Variants in PARP4 observed in about 807,000 individuals in gnomAD.
PARP4 encodes poly(ADP-ribose) polymerase family member 4, also known as protein mono-ADP-ribosyltransferase PARP4.
PARP4 carries 120 observed loss-of-function variants against 187.7 expected under a neutral mutation model. That is an observed-to-expected ratio of 0.64 (90% CI 0.55 to 0.74). The LOEUF (loss-of-function observed/expected upper bound fraction) is 0.74, where lower values mean the gene tolerates loss of function less well. PARP4 is among the 30% of genes least tolerant of loss of function. The probability of loss-of-function intolerance (pLI) is 0.00; values close to 1 mark genes in which losing one functional copy is unlikely to be tolerated. For synonymous variants in PARP4, 654 were observed against 740.9 expected, an observed-to-expected ratio of 0.88 and a Z score of 1.90; for missense variants, 1,836 against 2,070.5, an observed-to-expected ratio of 0.89 and a Z score of 2.20.
At chr13:24,478,040 C>T in intron 13 of PARP4, 53 bp downstream of exon 13, 1 of 1,381,174 alleles carries the variant, frequency 7.2e-7, no homozygotes, top group South Asian at 1.5e-5. Flanking sequence ...AAAACTAAGG[C>T]CTTTCTTTGA....
intron 17 of PARP4, among the ~76,000 whole-genome samples, chr13:24,462,874 A>AAC (rs199646507): frequency 5.8e-4 from 64 of 109,402 alleles, no homozygotes; most frequent in Non-Finnish European, 1.1e-3. Flanking sequence ...TGAAAGTGAA[A>AAC]ACAGAGCTCC....
intron 15 of PARP4, among the ~76,000 whole-genome samples, chr13:24,471,064 CTGCT>C (rs1872712044): frequency 6.6e-6 from 1 of 152,216 alleles, no homozygotes; most frequent in African/African-American, 2.4e-5. Flanking sequence ...CCTGCAATGA[CTGCT>C]TAGAGTGTGC....
At position 24,434,410 on chromosome 13, in the gene PARP4, G is replaced by T. The variant is rs769466638; in HGVS notation, c.4731C>A (p.Leu1577=). ...WQDAVPWTEL[L]SLQTEDGFWK... ...AGACACATACCTCTGTCTGTAGACT[G>T]AGGAGTTCTGTCCAAGGCACAGCAT... The change falls in exon 31 of 34, where the codon CTC becomes CTA. Residue 1577 remains leucine, a synonymous_variant. Transcript: ENST00000381989. 1.9e-6 allele frequency: 3 copies of T among 1,563,982 alleles called. No homozygotes were observed. The Admixed American group carries it at 5.5e-5, about 29-fold the overall frequency.
At position 24,469,924 on chromosome 13, in the gene PARP4, G is replaced by A. The variant is rs1443373595; in HGVS notation, c.2016C>T (p.Ala672=). The change falls in exon 16 of 34, where the codon GCC becomes GCT. Residue 672 remains alanine, a synonymous_variant. Transcript: ENST00000381989. ...DDKAAVCGFE[A]FINGKHIVGE... The stretch of plus-strand genomic sequence containing the variant: ...CAACTATGTGCTTCCCATTGATGAA[G>A]GCTTCGAAGCCACACACAGCGGCCT... The A allele has an allele frequency of 3.1e-6, 5 of 1,613,626 alleles. No homozygotes were observed. The highest frequency in any genetic ancestry group is 3.4e-6 in the Non-Finnish European group (4 of 1,179,780).
intron 24 of PARP4, 29 bp downstream of exon 24, chr13:24,452,377 G>T (rs764535639): frequency 1.9e-6 from 3 of 1,590,414 alleles, no homozygotes; most frequent in Non-Finnish European, 2.6e-6. Context: ...CGTGGGTCTG[G>T]ACTATGTGAC....
Position 24,452,412 on chromosome 13 carries a change from C to T in PARP4, c.3008G>A (p.Gly1003Asp). 1.2e-6 allele frequency: 2 copies of T among 1,611,758 alleles called. No individual in the cohort carries two copies. The highest frequency in any genetic ancestry group is 8.5e-7 in the Non-Finnish European group (1 of 1,179,116). Residue 1003 changes from glycine to aspartate, a missense_variant, in exon 24 of 34, where the codon GGT becomes GAT. Coordinates refer to ENST00000381989, the MANE Select transcript of PARP4 (RefSeq NM_006437.4). ...SRPHTRLFACGIGSTANRHVL... is the reference protein window; with the variant it reads ...SRPHTRLFACDIGSTANRHVL... Reference sequence around the variant, plus strand: ...CCAGCTCTCTGAGACTCACCCGATACCGCAGGCGAATAACCTGGTGTGCGG... The same window carrying T: ...CCAGCTCTCTGAGACTCACCCGATATCGCAGGCGAATAACCTGGTGTGCGG...
chr13:24,478,289 G>T lies in PARP4; in HGVS notation c.1449-13C>A. On this transcript the variant is annotated splice_polypyrimidine_tract_variant and intron_variant, in intron 12 of 33. Coordinates refer to ENST00000381989, the MANE Select transcript of PARP4 (RefSeq NM_006437.4). ...CTTGATACTTGTACTACATGCGAAA[G>T]GAAATAAACACATATTTACAGCTTA... The T allele has an allele frequency of 1.3e-6, 2 of 1,545,956 alleles. No homozygotes were observed. Among genetic ancestry groups the T allele is most frequent in the Non-Finnish European group, 8.8e-7 (1 of 1,135,864 alleles).
At chr13:24,434,223 T>C (rs112013422) in intron 31 of PARP4, among the ~76,000 whole-genome samples, 172 bp downstream of exon 31, 2,166 of 151,302 alleles carry the variant, frequency 0.014, 53 homozygotes, top group African/African-American at 0.049. Flanking sequence ...CTGTTTTGTT[T>C]TGTAGCAAGA....
chr13:24,449,850 A>G, intron 24 of PARP4, 33 bp from the exon 25 acceptor site: 1 of 1,326,024 alleles, frequency 7.5e-7, no homozygotes, highest in Non-Finnish European at 1.1e-6. Flanking sequence ...AATTTTGAAG[A>G]CATTAGAAAT....
chr13:24,502,341 A>G (rs1012125423), intron 2 of PARP4, among the ~76,000 whole-genome samples: 2 of 152,168 alleles, frequency 1.3e-5, no homozygotes, highest in Non-Finnish European at 2.9e-5. Flanking sequence ...TTATAATTTT[A>G]TTTATTTTTT....
At chr13:24,445,310 A>T (rs373111764) in intron 27 of PARP4, among the ~76,000 whole-genome samples, 29 of 151,798 alleles carry the variant, frequency 1.9e-4, no homozygotes, top group Admixed American at 5.3e-4. Flanking sequence ...CTTCAACCAC[A>T]CCTGAGTTTA....
At chr13:24,441,792 T>C (rs1038568898) in intron 30 of PARP4, 54 bp downstream of exon 30, 4 of 1,522,630 alleles carry the variant, frequency 2.6e-6, no homozygotes, top group African/African-American at 2.8e-5. Flanking sequence ...GTTCCCTTCA[T>C]CTTCATGAAA....
rs550446023 is a variant in PARP4, at chr13:24,495,963, C to G, written c.592-1241G>C. Among the ~76,000 whole-genome samples the G allele has an allele frequency of 3.3e-5, 5 of 152,300 alleles. No individual in the cohort carries two copies. In the South Asian group the frequency reaches 1.0e-3, roughly 32 times the overall value. On this transcript the variant is annotated intron_variant, in intron 6 of 33. Coordinates refer to ENST00000381989, the MANE Select transcript of PARP4 (RefSeq NM_006437.4). ...GCTTCTCTGCTCAGCAAACCAGGCT[C>G]ACCCAGGGGTGCTCTACACAGACTC...
intron 4 of PARP4, among the ~76,000 whole-genome samples, 152 bp downstream of exon 4, chr13:24,500,158 GAAGAAA>G (rs1869192960): frequency 1.3e-5 from 2 of 152,008 alleles, no homozygotes; most frequent in Non-Finnish European, 2.9e-5. Flanking sequence ...TATACTAGTT[GAAGAAA>G]AAGACTCAAA....
At position 24,469,261 on chromosome 13, in the gene PARP4, T is replaced by C. The variant is rs1028651456; in HGVS notation, c.2047-151A>G. The C allele has an allele frequency of 5.3e-5, 32 of 603,468 alleles. No individual in the cohort carries two copies. The African/African-American group carries it at 5.4e-4, about 10-fold the overall frequency. 37.4% of individuals were successfully genotyped at this position (603,468 alleles called of 1,614,324 possible). A position where few individuals can be genotyped will look rare whatever the true frequency, so the allele number is the denominator to read the frequency against. ...AACTTAAATGAAGTGATCATCGAAA[T>C]ATACTTATCTGATAAGAACTTGAAC... On this transcript the variant is annotated intron_variant, in intron 16 of 33. Coordinates refer to ENST00000381989, the MANE Select transcript of PARP4 (RefSeq NM_006437.4).
At position 24,499,402 on chromosome 13, in the gene PARP4, A is replaced by AT. The variant is rs1869148618; in HGVS notation, c.402-27dup. 3.3e-6 allele frequency: 5 copies of AT among 1,532,850 alleles called. No homozygotes were observed. The East Asian group carries it at 9.3e-5, about 29-fold the overall frequency. 95.0% of individuals were successfully genotyped at this position (1,532,850 alleles called of 1,614,324 possible). On this transcript the variant is annotated intron_variant, in intron 4 of 33. Transcript: ENST00000381989. Reference sequence around the variant, plus strand: ...CTGAAATTTGTAGTGTATAATTAAAATTTTAACATTAAATGGATTTTAGGC... The same window carrying AT: ...CTGAAATTTGTAGTGTATAATTAAAATTTTTAACATTAAATGGATTTTAGGC...
chr13:24,437,090 G>C (rs893266956), intron 30 of PARP4, among the ~76,000 whole-genome samples: 1 of 151,938 alleles, frequency 6.6e-6, no homozygotes, highest in African/African-American at 2.4e-5. Context: ...TCCAGCAATA[G>C]CTCCTAAATC....
intron 17 of PARP4, among the ~76,000 whole-genome samples, chr13:24,461,982 G>C (rs1160131595): frequency 6.6e-6 from 1 of 152,146 alleles, no homozygotes; most frequent in African/African-American, 2.4e-5. Flanking sequence ...CTGGAGGAAA[G>C]GCAGGAAACC....
intron 31 of PARP4, among the ~76,000 whole-genome samples, chr13:24,433,728 C>T (rs1430972517): frequency 4.2e-5 from 6 of 142,998 alleles, no homozygotes; most frequent in African/African-American, 1.6e-4. Flanking sequence ...GAAGCTGAGG[C>T]TCAGACAGGT....
Sources: allele counts gnomAD v4.1 joint callset (sites outside exome capture counted in the v4.1 genomes callset), GRCh38; gene constraint gnomAD v4.1.1; transcripts MANE v1.5; gene names NCBI Gene and HGNC (gene_info 2026-07-23, HGNC 2026-07-21).